Variants in SSUH2 observed in about 807,000 individuals in gnomAD.
The protein encoded by SSUH2 is protein SSUH2 homolog.
A neutral mutation model predicts 55.3 loss-of-function variants in SSUH2; 47 were observed. That is an observed-to-expected ratio of 0.85 (90% CI 0.67 to 1.08). The LOEUF is 1.08. SSUH2 is among the 50% of genes least tolerant of loss of function. The probability of loss-of-function intolerance (pLI) is 0.00; values close to 1 mark genes in which losing one functional copy is unlikely to be tolerated. For synonymous variants in SSUH2, 212 were observed against 191.5 expected, an observed-to-expected ratio of 1.11 and a Z score of -0.89; for missense variants, 535 against 490.7, an observed-to-expected ratio of 1.09 and a Z score of -0.85.
In SSUH2 at chr3:8,635,817, C is replaced by T. The variant is rs139260814; in HGVS notation, c.69G>A (p.Ala23=). 1.1e-4 allele frequency: 173 copies of T among 1,535,988 alleles called. No homozygotes were observed. The African/African-American group carries it at 1.8e-3, about 16-fold the overall frequency. ...GTCTCTCCAGGAGCTCTGTGGGGGG[C>T]GCCAGAGGACTCTCGGCCTCAAAAC... ...DLSFEAESPL[A]PPTELLERLP... Residue 23 remains alanine (A), a synonymous_variant, in exon 2 of 12, where the codon GCG becomes GCA. Transcript: ENST00000544814.
intron 3 of SSUH2, among the ~76,000 whole-genome samples, chr3:8,672,926 T>C (rs919493133): frequency 6.6e-6 from 1 of 152,128 alleles, no homozygotes; most frequent in Admixed American, 6.5e-5. Context: ...ATATTGAACG[T>C]AATATCATGC....
intron 6 of SSUH2, 31 bp downstream of exon 6, chr3:8,630,774 A>G (rs372861861): frequency 1.5e-6 from 2 of 1,347,920 alleles, no homozygotes; most frequent in Non-Finnish European, 1.9e-6. Context: ...GAGAAGGGCA[A>G]GTATTCCAGT....
chr3:8,650,640 G>C (rs1310043630), intron 7 of SSUH2, among the ~76,000 whole-genome samples: 1 of 152,194 alleles, frequency 6.6e-6, no homozygotes, highest in Non-Finnish European at 1.5e-5. Context: ...CAGTCTGAGT[G>C]CCACATTATA....
At chr3:8,638,404 A>G (rs1030612602) in intron 1 of SSUH2, among the ~76,000 whole-genome samples, 7 of 152,248 alleles carry the variant, frequency 4.6e-5, no homozygotes, top group African/African-American at 1.7e-4. Context: ...CCTACAAGGA[A>G]GGTAAATAGA....
intron 6 of SSUH2, among the ~76,000 whole-genome samples, chr3:8,662,291 C>A (rs1366898311): frequency 1.3e-5 from 2 of 152,112 alleles, no homozygotes; most frequent in Non-Finnish European, 2.9e-5. Context: ...AACCTGTGTC[C>A]CCTAACAGAA....
intron 3 of SSUH2, among the ~76,000 whole-genome samples, chr3:8,673,306 T>C (rs11716093): frequency 0.22 from 32,807 of 151,088 alleles, 5,009 homozygotes; most frequent in African/African-American, 0.45. Context: ...TTAGAAGTGT[T>C]AATTAATAAT....
At chr3:8,621,934 C>A (rs906874690) in intron 11 of SSUH2, among the ~76,000 whole-genome samples, 3 of 151,776 alleles carry the variant, frequency 2.0e-5, no homozygotes, top group African/African-American at 7.3e-5. Flanking sequence ...CCCCCACAAC[C>A]CCCGCAATCC....
rs116368351 is a variant in SSUH2, at chr3:8,622,645, C to T, written c.981+904G>A. Among the ~76,000 whole-genome samples the T allele has an allele frequency of 1.8e-3, 272 of 152,258 alleles. 1 individual carries two copies. The highest frequency in any genetic ancestry group is 6.2e-3 in the African/African-American group (259 of 41,546). On this transcript the variant is annotated intron_variant, in intron 11 of 11. Transcript: ENST00000544814. ...CCTGAACTGCATGATTTCTCAGCCC[C>T]CTTCCAGCTCCAAGATGATCCGTAT... is the stretch of plus-strand genomic sequence containing the variant.
chr3:8,669,027 G>A (rs1277108843), intron 5 of SSUH2, among the ~76,000 whole-genome samples: 1 of 151,920 alleles, frequency 6.6e-6, no homozygotes, highest in Admixed American at 6.6e-5. Flanking sequence ...AGGAAGGAAG[G>A]GAGGGAGGAA....
At chr3:8,664,010 C>G (rs1703744760) in intron 5 of SSUH2, 6 of 349,642 alleles carry the variant, frequency 1.7e-5, no homozygotes, top group South Asian at 1.3e-4. Context: ...CTGGGAGACC[C>G]AGGTTATTTC....
intron 1 of SSUH2, among the ~76,000 whole-genome samples, chr3:8,636,670 C>T (rs1011567702): frequency 6.6e-6 from 1 of 152,170 alleles, no homozygotes; most frequent in Admixed American, 6.5e-5. Context: ...ACTCCTCCTA[C>T]TTAATCTCCT....
intron 7 of SSUH2, among the ~76,000 whole-genome samples, chr3:8,652,912 C>A (rs1702567290): frequency 6.6e-6 from 1 of 152,178 alleles, no homozygotes; most frequent in South Asian, 2.1e-4. Flanking sequence ...TGACTGACTC[C>A]CCCTTTCCCT....
chr3:8,677,298 C>G (rs561487740), exon 3 of SSUH2: 1 of 151,518 alleles, frequency 6.6e-6, no homozygotes, highest in South Asian at 2.1e-4. Flanking sequence ...AACAGGGGTC[C>G]GAACTCAGCA....
At chr3:8,661,207 T>G (rs1703452915) in intron 6 of SSUH2, among the ~76,000 whole-genome samples, 1 of 152,240 alleles carries the variant, frequency 6.6e-6, no homozygotes, top group Non-Finnish European at 1.5e-5. Context: ...GGCCTTCACA[T>G]GCACCTCTGT....
rs139752594 is a variant in SSUH2, at chr3:8,633,142, CTTTT to C, written c.339+520_339+523del. On this transcript the variant is annotated intron_variant, in intron 4 of 11. Transcript: ENST00000544814. ...GCCTGTCAGTGGTGTTTGATGACGC[CTTTT>C]TTTTTTTTTTTTTTGAGTTGGAGTT... is the stretch of plus-strand genomic sequence containing the variant. Among the ~76,000 whole-genome samples the C allele has an allele frequency of 0.017, 2,021 of 119,868 alleles. 99 individuals are homozygous for C. In the East Asian group the frequency reaches 0.19, roughly 12 times the overall value. The allele number at this position is 119,868 out of a possible 152,430, so 78.6% of individuals were successfully genotyped here. A position where few individuals can be genotyped will look rare whatever the true frequency, so the allele number is the denominator to read the frequency against.
At chr3:8,667,027 G>C (rs552532669) in intron 5 of SSUH2, among the ~76,000 whole-genome samples, 2 of 152,168 alleles carry the variant, frequency 1.3e-5, no homozygotes, top group African/African-American at 4.8e-5. Flanking sequence ...GGGAGTCCAC[G>C]CACGTTCTCT....
intron 1 of SSUH2, 56 bp from the exon 2 acceptor site, chr3:8,635,913 G>C: frequency 2.1e-6 from 3 of 1,441,666 alleles, no homozygotes; most frequent in Admixed American, 2.2e-5. Flanking sequence ...GCTGATGAGG[G>C]CTTCACAGGA....
rs146001908 is a variant in SSUH2, at chr3:8,680,977, T to C, written c.-1046+914A>G. Among the ~76,000 whole-genome samples, 611 of 144,234 alleles carry C rather than the reference T, an allele frequency of 4.2e-3. 7 individuals carry two copies. Among genetic ancestry groups the C allele is most frequent in the Non-Finnish European group, 7.4e-3 (463 of 62,972 alleles). The allele number at this position is 144,234 out of a possible 152,430, so 94.6% of individuals were successfully genotyped here. A position where few individuals can be genotyped will look rare whatever the true frequency, so the allele number is the denominator to read the frequency against. ...ATTATCATCCTCTCCCCCTCTTCCC[T>C]CCCTGGCTCTTAGGACCCCCATCGC... is the stretch of plus-strand genomic sequence containing the variant. On this transcript the variant is annotated intron_variant, in intron 1 of 18. Transcript: ENST00000317371.
chr3:8,637,983 T>C (rs1275398381), intron 1 of SSUH2, among the ~76,000 whole-genome samples: 3 of 152,184 alleles, frequency 2.0e-5, no homozygotes, highest in Non-Finnish European at 4.4e-5. Context: ...AGAAGCTTCG[T>C]TCCAAGAAAA....
Sources: allele counts gnomAD v4.1 joint callset (sites outside exome capture counted in the v4.1 genomes callset), GRCh38; gene constraint gnomAD v4.1.1; transcripts MANE v1.5; gene names NCBI Gene and HGNC (gene_info 2026-07-23, HGNC 2026-07-21).